The following FAXC variants were observed in gnomAD, a reference collection of about 807,000 sequenced individuals.
FAXC encodes failed axon connections homolog, metaxin like GST domain containing, also known as failed axon connections homolog.
FAXC carries 10 observed loss-of-function variants against 41.9 expected under a neutral mutation model. The ratio of observed to expected loss-of-function variants is 0.24; its 90% confidence interval spans 0.15 to 0.41. The LOEUF is 0.41. Among genes scored for constraint, FAXC ranks in the 10% least tolerant of loss-of-function variants. The probability of loss-of-function intolerance (pLI) is 1.00; values close to 1 mark genes in which losing one functional copy is unlikely to be tolerated. For synonymous variants in FAXC, 183 were observed against 183.8 expected, an observed-to-expected ratio of 1.00 and a Z score of 0.03; for missense variants, 399 against 510.9, an observed-to-expected ratio of 0.78 and a Z score of 2.11.
At chr6:99,299,283 A>G (rs1771613395) in intron 4 of FAXC, among the ~76,000 whole-genome samples, 1 of 152,196 alleles carries the variant, frequency 6.6e-6, no homozygotes, top group Non-Finnish European at 1.5e-5. Flanking sequence ...CCCACTGGTC[A>G]CTGTCAGCTC....
intron 5 of FAXC, among the ~76,000 whole-genome samples, chr6:99,285,393 T>C (rs140928944): frequency 0.014 from 2,105 of 152,298 alleles, 46 homozygotes; most frequent in African/African-American, 0.047. Context: ...TGATATGATA[T>C]TCTGTTAAGT....
chr6:99,328,033 TA>T (rs1772879874), intron 3 of FAXC, among the ~76,000 whole-genome samples: 1 of 152,316 alleles, frequency 6.6e-6, no homozygotes, highest in South Asian at 2.1e-4. Context: ...TAATGCTTCT[TA>T]GAGTCATTCA....
At position 99,339,900 on chromosome 6, in the gene FAXC, A is replaced by G. The variant is rs943860290; in HGVS notation, c.402+2998T>C. 3.3e-5 allele frequency among the ~76,000 whole-genome samples: 5 copies of G among 152,154 alleles called. No homozygotes were observed. The South Asian group carries it at 6.2e-4, about 19-fold the overall frequency. On this transcript the variant is annotated intron_variant, in intron 2 of 5. Coordinates refer to ENST00000389677, the MANE Select transcript of FAXC (RefSeq NM_032511.4). ...AAAAACAAACATAAAAGAAAAGGAA[A>G]TATTTTAACAAAATTGATAATTAAT... is the stretch of plus-strand genomic sequence containing the variant.
At chr6:99,324,830 T>A (rs187856125) in intron 3 of FAXC, among the ~76,000 whole-genome samples, 1 of 152,290 alleles carries the variant, frequency 6.6e-6, no homozygotes, top group East Asian at 1.9e-4. Context: ...TAATAAAAGA[T>A]GTATTGGCAA....
intron 2 of FAXC, among the ~76,000 whole-genome samples, chr6:99,336,559 T>A (rs1031965771): frequency 6.6e-6 from 1 of 152,212 alleles, no homozygotes; most frequent in Non-Finnish European, 1.5e-5. Flanking sequence ...TCCAAGCTGA[T>A]GTTTCCTTCT....
rs1390909 is a variant in FAXC, at chr6:99,273,930, A to G, written c.*7234T>C. 0.64 allele frequency: 97,469 copies of G among 151,966 alleles called. 31,680 individuals are homozygous for G. The highest frequency in any genetic ancestry group is 0.75 in the African/African-American group (30,949 of 41,444). 9.4% of individuals were successfully genotyped at this position (151,966 alleles called of 1,614,324 possible). On this transcript the variant is annotated 3_prime_UTR_variant, in exon 6 of 6. Coordinates refer to ENST00000389677, the MANE Select transcript of FAXC (RefSeq NM_032511.4). ...TAAATACATGGAGGGGCATGCTCAGAAAGTTTTACTAATAGGGTGAATAAA... is the reference window on the plus strand; with the variant it reads ...TAAATACATGGAGGGGCATGCTCAGGAAGTTTTACTAATAGGGTGAATAAA...
chr6:99,290,132 C>CACACACACACAT, intron 5 of FAXC, among the ~76,000 whole-genome samples: 1 of 151,478 alleles, frequency 6.6e-6, no homozygotes. Context: ...CACACACACA[C>CACACACACACAT]ACACATACAC....
At chr6:99,299,816 G>C (rs1453187666) in intron 4 of FAXC, among the ~76,000 whole-genome samples, 1 of 152,032 alleles carries the variant, frequency 6.6e-6, no homozygotes, top group Non-Finnish European at 1.5e-5. Context: ...TGTAAGACAA[G>C]CCACTTCCTT....
At chr6:99,297,133 G>A (rs1771531307) in intron 4 of FAXC, among the ~76,000 whole-genome samples, 1 of 152,188 alleles carries the variant, frequency 6.6e-6, no homozygotes, top group Non-Finnish European at 1.5e-5. Context: ...TTAACCCAAG[G>A]CTGCTTATCC....
intron 4 of FAXC, among the ~76,000 whole-genome samples, chr6:99,319,057 T>C (rs912769879): frequency 2.0e-5 from 3 of 152,200 alleles, no homozygotes; most frequent in Non-Finnish European, 4.4e-5. Flanking sequence ...TTATCTGCTA[T>C]GAACACACAC....
chr6:99,323,968 A>G (rs1364723700), intron 3 of FAXC, among the ~76,000 whole-genome samples: 2 of 152,022 alleles, frequency 1.3e-5, no homozygotes, highest in African/African-American at 4.8e-5. Flanking sequence ...TCTCTCACAC[A>G]ACCCCACAGA....
intron 4 of FAXC, among the ~76,000 whole-genome samples, chr6:99,319,029 G>C (rs1173669122): frequency 6.6e-6 from 1 of 152,154 alleles, no homozygotes; most frequent in African/African-American, 2.4e-5. Context: ...GGAGGCATCA[G>C]GCAACCATTA....
intron 4 of FAXC, among the ~76,000 whole-genome samples, chr6:99,310,491 T>C (rs1341296683): frequency 6.6e-6 from 1 of 152,144 alleles, no homozygotes; most frequent in Non-Finnish European, 1.5e-5. Flanking sequence ...ACCCTCCCGC[T>C]CCCCACCTCC....
chr6:99,349,907 G>A (rs1235090141), upstream of FAXC: 1 of 152,144 alleles, frequency 6.6e-6, no homozygotes, highest in African/African-American at 2.4e-5. Flanking sequence ...CCACCGCGAG[G>A]AAGCTGCAGT....
chr6:99,316,368 T>C (rs1381200205), intron 4 of FAXC, among the ~76,000 whole-genome samples: 1 of 152,140 alleles, frequency 6.6e-6, no homozygotes, highest in Admixed American at 6.5e-5. Flanking sequence ...TCTACATGTG[T>C]TAACCTACTC....
intron 4 of FAXC, among the ~76,000 whole-genome samples, chr6:99,292,338 C>T (rs915983537): frequency 5.3e-5 from 8 of 152,188 alleles, no homozygotes; most frequent in African/African-American, 1.9e-4. Flanking sequence ...AAGTTCTCAC[C>T]TCTGAGGATC....
chr6:99,338,330 C>A (rs1773292152), intron 2 of FAXC, among the ~76,000 whole-genome samples: 1 of 152,190 alleles, frequency 6.6e-6, no homozygotes, highest in East Asian at 1.9e-4. Context: ...CACAGCAAGG[C>A]ATGAGTCCTG....
chr6:99,340,002 C>A (rs1232239787), intron 2 of FAXC, among the ~76,000 whole-genome samples: 1 of 152,078 alleles, frequency 6.6e-6, no homozygotes, highest in Non-Finnish European at 1.5e-5. Flanking sequence ...TATAAAGACC[C>A]ACACCAACAC....
At chr6:99,317,947 A>T (rs1772426822) in intron 4 of FAXC, among the ~76,000 whole-genome samples, 1 of 130,034 alleles carries the variant, frequency 7.7e-6, no homozygotes, top group Non-Finnish European at 1.8e-5. Flanking sequence ...CAGCACACAG[A>T]ATCACATGGT....
Sources: allele counts gnomAD v4.1 joint callset (sites outside exome capture counted in the v4.1 genomes callset), GRCh38; gene constraint gnomAD v4.1.1; transcripts MANE v1.5; gene names NCBI Gene and HGNC (gene_info 2026-07-23, HGNC 2026-07-21).